Variants in DOCK3 observed in about 807,000 individuals in gnomAD.
DOCK3 encodes dedicator of cytokinesis protein 3.
In DOCK3, 60 loss-of-function variants were observed where a neutral mutation model predicts 265.6. The ratio of observed to expected loss-of-function variants is 0.23; its 90% CI spans 0.18 to 0.28. The LOEUF is 0.28. Among genes scored for constraint, DOCK3 ranks in the 10% least tolerant of loss-of-function variants. The pLI is 1.00. For missense variants in DOCK3, 1,981 were observed against 2,594.3 expected (o/e 0.76, Z 5.14); for synonymous variants, 881 against 938.0 (o/e 0.94, Z 1.11).
intron 1 of DOCK3, among the ~76,000 whole-genome samples, chr3:50,709,118 G>A (rs1256455445): frequency 6.6e-6 from 1 of 152,200 alleles, no homozygotes; most frequent in Non-Finnish European, 1.5e-5. Context: ...ATAGTCAAGA[G>A]ATGTCACTCG....
In DOCK3 at chr3:51,374,519, T is replaced by C. The variant is rs779921639; in HGVS notation, c.5344T>C (p.Leu1782=). ...CCGCCATGCCCGTGAAATGATGTTG[T>C]TGCTGCCCACATACCGGGACCGCCC... ...KYRHAREMML[L]LPTYRDRPSS... is the part of the protein sequence containing the mutation. Residue 1782 remains leucine, a synonymous_variant, in exon 50 of 53, where the codon TTG becomes CTG. Transcript: ENST00000266037. The surrounding 1 kb of genome is among the most constrained non-coding windows in gnomAD (Gnocchi z 4.8). 1.9e-6 allele frequency: 3 copies of C among 1,613,916 alleles called. No homozygotes were observed. The Admixed American group carries it at 5.0e-5, about 27-fold the overall frequency.
chr3:51,109,884 G>T (rs1034532766), intron 9 of DOCK3, among the ~76,000 whole-genome samples: 3 of 151,792 alleles, frequency 2.0e-5, no homozygotes, highest in African/African-American at 7.3e-5. Context: ...AGTAAGCCAA[G>T]ATCATACCAC....
intron 12 of DOCK3, among the ~76,000 whole-genome samples, chr3:51,189,760 C>T (rs1432099115): frequency 2.0e-5 from 3 of 152,188 alleles, no homozygotes; most frequent in African/African-American, 7.2e-5. Context: ...GACTTCTTTT[C>T]CTCTGGGTAA....
chr3:51,347,874 C>G (rs1576889471), intron 38 of DOCK3, among the ~76,000 whole-genome samples: 1 of 152,104 alleles, frequency 6.6e-6, no homozygotes, highest in African/African-American at 2.4e-5. Flanking sequence ...AAGCTGGATT[C>G]CTAGGTATTT....
At chr3:50,759,221 T>C (rs1271486718) in intron 1 of DOCK3, among the ~76,000 whole-genome samples, 2 of 152,146 alleles carry the variant, frequency 1.3e-5, no homozygotes, top group Non-Finnish European at 1.5e-5. Flanking sequence ...GTATTTAATT[T>C]AAATTCTTTT....
chr3:51,088,489 A>G (rs2082513521), intron 7 of DOCK3, among the ~76,000 whole-genome samples: 1 of 152,388 alleles, frequency 6.6e-6, no homozygotes, highest in South Asian at 2.1e-4. Flanking sequence ...TTTGATAATT[A>G]TACATTGTAT....
At chr3:50,725,033 G>A (rs999007202) in intron 1 of DOCK3, among the ~76,000 whole-genome samples, 2 of 151,774 alleles carry the variant, frequency 1.3e-5, no homozygotes, top group Non-Finnish European at 2.9e-5. Context: ...TTTCCAAGTC[G>A]TGATGAAAGA....
intron 1 of DOCK3, among the ~76,000 whole-genome samples, chr3:50,699,764 T>G (rs2035913496): frequency 6.6e-6 from 1 of 152,176 alleles, no homozygotes; most frequent in African/African-American, 2.4e-5. Flanking sequence ...CTGTGTCAGC[T>G]ATCAGGAAGG....
In DOCK3 at chr3:50,959,821, C is replaced by T. The variant is rs553385539; in HGVS notation, c.315+25744C>T. The stretch of plus-strand genomic sequence containing the variant: ...GGTCTCGATCTCCTGACCTCGTGAT[C>T]TGCCCACCTCGGCCTCTCAAAGTAC... On this transcript the variant is annotated intron_variant, in intron 5 of 52. Transcript: ENST00000266037. Among the ~76,000 whole-genome samples, 6 of 152,176 alleles carry T rather than the reference C, an allele frequency of 3.9e-5. No homozygotes were observed. In the East Asian group the frequency reaches 1.2e-3, roughly 29 times the overall value.
chr3:51,112,297 AAGAAT>A (rs781683115), intron 9 of DOCK3, among the ~76,000 whole-genome samples: 2 of 152,320 alleles, frequency 1.3e-5, no homozygotes, highest in South Asian at 4.1e-4. Context: ...TTTTGGAAAA[AAGAAT>A]AGAGAAAAAA....
intron 6 of DOCK3, among the ~76,000 whole-genome samples, chr3:51,067,544 C>T (rs1222247260): frequency 1.3e-5 from 2 of 151,500 alleles, no homozygotes; most frequent in Non-Finnish European, 1.5e-5. Context: ...CTTCCCTTCT[C>T]CCTCTTTCCT....
At chr3:50,715,839 A>T (rs971668722) in intron 1 of DOCK3, among the ~76,000 whole-genome samples, 1 of 152,152 alleles carries the variant, frequency 6.6e-6, no homozygotes, top group African/African-American at 2.4e-5. Context: ...GGAGCCATTC[A>T]TGTTAAGGAG....
At chr3:50,938,277 A>G (rs570627218) in intron 5 of DOCK3, among the ~76,000 whole-genome samples, 129 of 152,276 alleles carry the variant, frequency 8.5e-4, no homozygotes, top group Non-Finnish European at 1.7e-3. Flanking sequence ...AAATAAAGCA[A>G]AACCTGAAAG....
chr3:50,930,477 G>A (rs941200845), intron 4 of DOCK3, among the ~76,000 whole-genome samples: 6 of 152,084 alleles, frequency 3.9e-5, no homozygotes, highest in African/African-American at 1.2e-4. Context: ...AAAACGATGG[G>A]GCTGCTACCT....
chr3:51,117,104 A>G (rs1239900529), intron 9 of DOCK3, among the ~76,000 whole-genome samples: 1 of 152,212 alleles, frequency 6.6e-6, no homozygotes, highest in Non-Finnish European at 1.5e-5. Context: ...TGGGTTTGTC[A>G]TAAATAGTTC....
intron 35 of DOCK3, among the ~76,000 whole-genome samples, chr3:51,336,358 G>C (rs1024439806): frequency 6.6e-6 from 1 of 150,666 alleles, no homozygotes; most frequent in Admixed American, 6.6e-5. Flanking sequence ...TTTTGTGCCT[G>C]GAACAGACAG....
intron 32 of DOCK3, among the ~76,000 whole-genome samples, chr3:51,324,336 A>G (rs1576803888): frequency 6.6e-6 from 1 of 152,268 alleles, no homozygotes; most frequent in Non-Finnish European, 1.5e-5. Flanking sequence ...TACAAAGAGA[A>G]TAAAATACCT....
At chr3:51,152,905 GGTA>G (rs2085675213) in intron 10 of DOCK3, among the ~76,000 whole-genome samples, 1 of 151,724 alleles carries the variant, frequency 6.6e-6, no homozygotes, top group African/African-American at 2.4e-5. Flanking sequence ...TGTATGAGGT[GGTA>G]GTCAGCCCCT....
At chr3:50,719,552 A>G in intron 1 of DOCK3, 2 of 1,303,622 alleles carry the variant, frequency 1.5e-6, no homozygotes, top group Non-Finnish European at 2.2e-6. Context: ...AGAGCACTCC[A>G]TGGCCTGCAT....
Sources: gnomAD v4.1 joint callset for allele counts (sites outside exome capture counted in the v4.1 genomes callset) on GRCh38, gnomAD v4.1.1 for gene constraint, Gnocchi (gnomAD v3.1) non-coding constraint, MANE v1.5 for transcripts, NCBI Gene and HGNC (gene_info 2026-07-23, HGNC 2026-07-21) for gene names.